The following NKAIN3 variants were observed in gnomAD, a reference collection of about 807,000 sequenced individuals.
NKAIN3 encodes the protein sodium/potassium transporting ATPase interacting 3.
A neutral mutation model predicts 30.2 loss-of-function variants in NKAIN3; 25 were observed. The ratio of observed to expected loss-of-function variants is 0.83; its 90% CI spans 0.60 to 1.16. The LOEUF is 1.16. Among genes scored for constraint, NKAIN3 ranks in the 50% most tolerant of loss-of-function variants. The probability of loss-of-function intolerance (pLI) is 0.00; values close to 1 mark genes in which losing one functional copy is unlikely to be tolerated. For missense variants in NKAIN3, 225 were observed against 254.1 expected (o/e 0.89, Z 0.78); for synonymous variants, 91 against 89.6 (o/e 1.02, Z -0.09).
chr8:62,875,676 C>T (rs1430462084), intron 4 of NKAIN3, among the ~76,000 whole-genome samples: 1 of 152,094 alleles, frequency 6.6e-6, no homozygotes, highest in African/African-American at 2.4e-5. Flanking sequence ...CAACACAAAT[C>T]TACAACCATC....
At position 62,966,839 on chromosome 8, in the gene NKAIN3, C is replaced by T. The variant is rs1383711799; in HGVS notation, c.*1432C>T. ...CATCTCTAAGAAGTCCGTCTATTAA[C>T]CACCTAAAACTGTTACAAATATTTG... On this transcript the variant is annotated 3_prime_UTR_variant, in exon 7 of 7. Coordinates refer to ENST00000623646, the MANE Select transcript of NKAIN3 (RefSeq NM_001304533.3). 2.0e-5 allele frequency among the ~76,000 whole-genome samples: 3 copies of T among 152,156 alleles called. No homozygotes were observed. Among genetic ancestry groups the T allele is most frequent in the Non-Finnish European group, 2.9e-5 (2 of 68,038 alleles).
intron 1 of NKAIN3, among the ~76,000 whole-genome samples, chr8:62,319,373 G>C (rs1387338950): frequency 3.9e-5 from 6 of 152,052 alleles, no homozygotes; most frequent in Non-Finnish European, 8.8e-5. Context: ...CCTTCTGGTA[G>C]CTTTTGAATG....
At chr8:62,327,108 G>A (rs530432563) in intron 1 of NKAIN3, among the ~76,000 whole-genome samples, 11 of 152,018 alleles carry the variant, frequency 7.2e-5, no homozygotes, top group South Asian at 2.1e-4. Flanking sequence ...TTGGCCATTC[G>A]TATGTCTTTT....
chr8:62,951,188 C>T (rs1585614605), intron 5 of NKAIN3, among the ~76,000 whole-genome samples: 1 of 152,168 alleles, frequency 6.6e-6, no homozygotes, highest in East Asian at 1.9e-4. Flanking sequence ...AAATCTACAG[C>T]TCCTACCAGC....
At chr8:62,612,913 C>T in intron 3 of NKAIN3, among the ~76,000 whole-genome samples, 1 of 152,058 alleles carries the variant, frequency 6.6e-6, no homozygotes, top group South Asian at 2.1e-4. Flanking sequence ...CTATACCTTA[C>T]CTTCCTATCC....
intron 1 of NKAIN3, among the ~76,000 whole-genome samples, chr8:62,304,044 G>A (rs1350332104): frequency 6.6e-6 from 1 of 150,584 alleles, no homozygotes; most frequent in East Asian, 1.9e-4. Context: ...TCAGCCACAA[G>A]ATCAGGGGTA....
intron 1 of NKAIN3, among the ~76,000 whole-genome samples, chr8:62,372,946 C>G (rs556735251): frequency 6.6e-6 from 1 of 152,212 alleles, no homozygotes; most frequent in South Asian, 2.1e-4. Flanking sequence ...CATTCTTACA[C>G]CTACCAGCAG....
intron 4 of NKAIN3, chr8:62,864,225 C>G (rs1220285252): frequency 1.4e-6 from 1 of 735,818 alleles, no homozygotes; most frequent in East Asian, 2.6e-5. Flanking sequence ...AGAAGTGAAA[C>G]TAAAAACAGC....
intron 1 of NKAIN3, among the ~76,000 whole-genome samples, chr8:62,553,172 C>G (rs1242274692): frequency 3.3e-5 from 5 of 152,148 alleles, no homozygotes; most frequent in Non-Finnish European, 7.3e-5. Flanking sequence ...TCTGGACTCA[C>G]CCCTTCCACT....
intron 1 of NKAIN3, among the ~76,000 whole-genome samples, chr8:62,267,044 C>A (rs887796813): frequency 1.3e-5 from 2 of 152,232 alleles, no homozygotes; most frequent in African/African-American, 4.8e-5. Flanking sequence ...AACCCAAAAC[C>A]TGCCAGGCTA....
rs371894746 is a variant in NKAIN3, at chr8:62,953,011, T to C, written c.533-891T>C. Among the ~76,000 whole-genome samples, 46 of 152,238 alleles carry C rather than the reference T, an allele frequency of 3.0e-4. No homozygotes were observed. The East Asian group carries it at 8.1e-3, about 27-fold the overall frequency. On this transcript the variant is annotated intron_variant, in intron 5 of 6. Transcript: ENST00000623646. ...TAGATACTATTTATGGGTTTTGTCT[T>C]ATGAATTTTTTGCCAAAAAAATGCT...
chr8:62,887,360 A>G (rs987668643), intron 4 of NKAIN3, among the ~76,000 whole-genome samples: 1 of 151,342 alleles, frequency 6.6e-6, no homozygotes, highest in Non-Finnish European at 1.5e-5. Flanking sequence ...TTTTTTTGGC[A>G]TTTATCCTGT....
At chr8:62,350,774 T>G (rs1313293022) in intron 1 of NKAIN3, among the ~76,000 whole-genome samples, 1 of 152,082 alleles carries the variant, frequency 6.6e-6, no homozygotes, top group East Asian at 1.9e-4. Flanking sequence ...CACAGCAACC[T>G]CTGCCTCCCG....
intron 1 of NKAIN3, among the ~76,000 whole-genome samples, chr8:62,569,692 C>A (rs569789609): frequency 6.6e-6 from 1 of 151,794 alleles, no homozygotes; most frequent in Admixed American, 6.6e-5. Flanking sequence ...AGGAGAATCA[C>A]TTAAACCTGG....
At chr8:62,634,534 A>G (rs565319602) in intron 3 of NKAIN3, among the ~76,000 whole-genome samples, 1 of 152,308 alleles carries the variant, frequency 6.6e-6, no homozygotes, top group South Asian at 2.1e-4. Context: ...CAGGACCTAG[A>G]CCAAACCCCT....
At chr8:62,865,946 C>T (rs1183833606) in intron 4 of NKAIN3, among the ~76,000 whole-genome samples, 2 of 152,048 alleles carry the variant, frequency 1.3e-5, no homozygotes, top group Non-Finnish European at 2.9e-5. Flanking sequence ...CATAACAGTC[C>T]TTTCACATTG....
rs1436000516 is a variant in NKAIN3 at position 62,463,441 on chromosome 8, G to A, written c.55-116098G>A. ...ACAGTGCTTTTTAAGTCTTGTCGTG[G>A]AAGCTAGCAGGCATATTCTAAAATG... is the stretch of plus-strand genomic sequence containing the variant. On this transcript the variant is annotated intron_variant, in intron 1 of 6. Transcript: ENST00000623646. Among the ~76,000 whole-genome samples the A allele has an allele frequency of 2.6e-5, 4 of 152,260 alleles. No homozygotes were observed. In the East Asian group the frequency reaches 7.7e-4, roughly 29 times the overall value.
At chr8:62,817,229 T>C (rs1000450781) in intron 4 of NKAIN3, among the ~76,000 whole-genome samples, 1 of 152,188 alleles carries the variant, frequency 6.6e-6, no homozygotes, top group Non-Finnish European at 1.5e-5. Flanking sequence ...GTCAGCCATC[T>C]TGATGACCAA....
Position 62,976,572 on chromosome 8 carries a change from G to A in NKAIN3, c.*11165G>A, listed in dbSNP as rs1053897693. On this transcript the variant is annotated 3_prime_UTR_variant, in exon 7 of 7. Transcript: ENST00000623646. Reference sequence around the variant, plus strand: ...CTCCATCCTTTTATTTTGAGCCTATGTGTGTCTTTGCACATGAGATGGGTC... The same window carrying A: ...CTCCATCCTTTTATTTTGAGCCTATATGTGTCTTTGCACATGAGATGGGTC... 3.3e-5 allele frequency among the ~76,000 whole-genome samples: 5 copies of A among 152,052 alleles called. No individual in the cohort carries two copies. The highest frequency in any genetic ancestry group is 1.9e-4 in the East Asian group (1 of 5,194).
Sources: allele counts gnomAD v4.1 joint callset (sites outside exome capture counted in the v4.1 genomes callset), GRCh38; gene constraint gnomAD v4.1.1; transcripts MANE v1.5; gene names NCBI Gene and HGNC (gene_info 2026-07-23, HGNC 2026-07-21).